DCTN2: variants seen among roughly 807,000 people sequenced by gnomAD.
DCTN2 encodes 50 kDa dynein-associated polypeptide.
DCTN2 carries 18 observed loss-of-function variants against 55.4 expected under a neutral mutation model. The ratio of observed to expected loss-of-function variants is 0.32; its 90% CI spans 0.22 to 0.48. DCTN2 has a LOEUF of 0.48. Among genes scored for constraint, DCTN2 ranks in the 20% least tolerant of loss-of-function variants. The pLI, the probability that DCTN2 is intolerant of heterozygous loss-of-function variation, is 0.99. For synonymous variants in DCTN2, 168 were observed against 185.2 expected, an observed-to-expected ratio of 0.91 and a Z score of 0.76; for missense variants, 390 against 491.0, an observed-to-expected ratio of 0.79 and a Z score of 1.94.
chr12:57,532,844 A>C (rs2140117408), intron 9 of DCTN2, 34 bp from the exon 10 acceptor site: 1 of 1,612,854 alleles, frequency 6.2e-7, no homozygotes, highest in Non-Finnish European at 8.5e-7. Context: ...CATCATGAAG[A>C]GGAAAGGCAG....
intron 7 of DCTN2, among the ~76,000 whole-genome samples, chr12:57,533,703 G>A (rs995444393): frequency 1.3e-5 from 2 of 151,604 alleles, no homozygotes; most frequent in African/African-American, 4.9e-5. Context: ...CCCGGGAGGC[G>A]GAGCTTGCAG....
rs765577687 is a variant in DCTN2, at chr12:57,532,623, G to A, written c.873C>T (p.Asn291=). 25 of 1,613,800 alleles carry A rather than the reference G, an allele frequency of 1.5e-5. No individual in the cohort carries two copies. The highest frequency in any genetic ancestry group is 1.2e-4 in the African/African-American group (9 of 74,872). Residue 291 remains asparagine, a synonymous_variant, in exon 11 of 14, where the codon AAC becomes AAT. Transcript: ENST00000548249. ...CAGAGGCTTTATGCTTGGCAATCTC[G>A]TTCACCTTTCCCAGGACACTCTGAA... is the stretch of plus-strand genomic sequence containing the variant. ...ARLQSVLGKV[N]EIAKHKASVE...
At position 57,541,480 on chromosome 12, in the gene DCTN2, A is replaced by C. The variant is rs899193654; in HGVS notation, c.105+4548T>G. ...CAATGAACACAATCAAGCATACTCCAGGATCTTCTAAACTGTAAGGAAGTA... is the reference window on the plus strand; with the variant it reads ...CAATGAACACAATCAAGCATACTCCCGGATCTTCTAAACTGTAAGGAAGTA... On this transcript the variant is annotated intron_variant, in intron 2 of 13. Transcript: ENST00000548249. 5.3e-6 allele frequency: 6 copies of C among 1,142,808 alleles called. No homozygotes were observed. In the African/African-American group the frequency reaches 9.1e-5, roughly 17 times the overall value. The allele number at this position is 1,142,808 out of a possible 1,614,324, so 70.8% of individuals were successfully genotyped here. A position where few individuals can be genotyped will look rare whatever the true frequency, so the allele number is the denominator to read the frequency against.
At chr12:57,543,537 A>C (rs1404861309) in intron 2 of DCTN2, among the ~76,000 whole-genome samples, 3 of 152,132 alleles carry the variant, frequency 2.0e-5, no homozygotes, top group Non-Finnish European at 4.4e-5. Context: ...ACTGCTCCTC[A>C]AATTGCATAT....
chr12:57,532,161 A>C, intron 12 of DCTN2, 52 bp downstream of exon 12: 1 of 1,552,202 alleles, frequency 6.4e-7, no homozygotes, highest in Non-Finnish European at 8.7e-7. Flanking sequence ...AGGGGACCAA[A>C]AGTTGCCCAT....
At chr12:57,533,367 G>A (rs1057327854) in intron 7 of DCTN2, 64 bp from the exon 8 acceptor site, 54 of 1,449,896 alleles carry the variant, frequency 3.7e-5, no homozygotes, top group African/African-American at 3.1e-4. Flanking sequence ...GGAGGAATAC[G>A]ATCCTGCTCT....
Position 57,532,105 on chromosome 12 carries a change from G to A in DCTN2, c.1029C>T (p.Ala343=), listed in dbSNP as rs1375050014. The change falls in exon 13 of 14, where the codon GCC becomes GCT. Residue 343 remains alanine, a splice_region_variant and synonymous_variant. Transcript: ENST00000548249. ...LVTIKQLHEQ[A]MQFGQLLTHL... ...GTGTCAGGAGCTGACCAAACTGCAT[G>A]GCTACAAAAGAAAAGTATGGTTGAG... is the stretch of plus-strand genomic sequence containing the variant. 7 of 1,557,634 alleles carry A rather than the reference G, an allele frequency of 4.5e-6. No individual in the cohort carries two copies. In the South Asian group the frequency reaches 8.3e-5, roughly 18 times the overall value.
At chr12:57,533,582 T>TA (rs1879943895) in intron 7 of DCTN2, among the ~76,000 whole-genome samples, 1 of 151,996 alleles carries the variant, frequency 6.6e-6, no homozygotes, top group African/African-American at 2.4e-5. Context: ...CCATTCTGGC[T>TA]AACATGGTGA....
Position 57,530,620 on chromosome 12 carries a change from C to A in DCTN2, c.*69G>T. 3 of 1,346,162 alleles carry A rather than the reference C, an allele frequency of 2.2e-6. No homozygotes were observed. The highest frequency in any genetic ancestry group is 2.3e-5 in the East Asian group (1 of 43,062). The allele number at this position is 1,346,162 out of a possible 1,614,324, so 83.4% of individuals were successfully genotyped here. On this transcript the variant is annotated 3_prime_UTR_variant, in exon 14 of 14. Coordinates refer to ENST00000548249, the MANE Select transcript of DCTN2 (RefSeq NM_001261413.2). ...TGCTAGAGTTATAGTAAAGGGGAAA[C>A]CCTATGTAAGCTGTTAACAGAGTTC...
chr12:57,546,725 A>G (rs1438004693), intron 1 of DCTN2, among the ~76,000 whole-genome samples: 1 of 151,368 alleles, frequency 6.6e-6, no homozygotes. Flanking sequence ...TTTGGGGGGG[A>G]CATGGGAGGC....
At position 57,547,153 on chromosome 12, in the gene DCTN2, C is replaced by A. The variant is rs2280154; in HGVS notation, c.-90G>T. 9 of 1,132,226 alleles carry A rather than the reference C, an allele frequency of 7.9e-6. No individual in the cohort carries two copies. Among genetic ancestry groups the A allele is most frequent in the African/African-American group, 1.6e-5 (1 of 62,042 alleles). The allele number at this position is 1,132,226 out of a possible 1,614,324, so 70.1% of individuals were successfully genotyped here. ...GGAGAGGCTGGGTTCGGGTCCCGGG[C>A]TAAGGCGGCGGCAAAGGGAGCGGCA... On this transcript the variant is annotated 5_prime_UTR_variant, in exon 1 of 14. Transcript: ENST00000548249.
At chr12:57,534,119 A>C (rs779147341) in intron 6 of DCTN2, 22 bp from the exon 7 acceptor site, 1 of 1,572,640 alleles carries the variant, frequency 6.4e-7, no homozygotes, top group South Asian at 1.2e-5. Context: ...ACCGAGTAAT[A>C]ATATCATGAC....
intron 4 of DCTN2, 102 bp downstream of exon 4, chr12:57,535,382 G>A: frequency 1.4e-6 from 2 of 1,442,894 alleles, no homozygotes; most frequent in Non-Finnish European, 1.9e-6. Flanking sequence ...AGGAACAGAG[G>A]AGGAACAGAA....
In DCTN2 at chr12:57,530,501, C is replaced by T. The variant is rs1413119544; in HGVS notation, c.*188G>A. On this transcript the variant is annotated 3_prime_UTR_variant, in exon 14 of 14. Transcript: ENST00000548249. ...GGGGAGACCACCTTCTGATGATAAC[C>T]AACCCCTAGCTACCACTCTGTATTC... is the stretch of plus-strand genomic sequence containing the variant. The T allele has an allele frequency of 7.8e-5, 40 of 515,420 alleles. No individual in the cohort carries two copies. The East Asian group carries it at 1.2e-3, about 16-fold the overall frequency. The allele number at this position is 515,420 out of a possible 1,614,324, so 31.9% of individuals were successfully genotyped here.
chr12:57,530,444 G>T lies in DCTN2; in HGVS notation c.*245C>A. On this transcript the variant is annotated 3_prime_UTR_variant, in exon 14 of 14. Coordinates refer to ENST00000548249, the MANE Select transcript of DCTN2 (RefSeq NM_001261413.2). ...AGTATTGGACATGAGTTGGCATGTG[G>T]CTGGGCCCACGTCCTTATCCCCCAG... The T allele has an allele frequency of 2.2e-6, 1 of 445,944 alleles. No homozygotes were observed. The highest frequency in any genetic ancestry group is 3.4e-5 in the East Asian group (1 of 29,306). 27.6% of individuals were successfully genotyped at this position (445,944 alleles called of 1,614,324 possible).
intron 3 of DCTN2, 59 bp downstream of exon 3, chr12:57,535,690 A>G: frequency 6.5e-7 from 1 of 1,546,354 alleles, no homozygotes; most frequent in Non-Finnish European, 8.9e-7. Context: ...AGGACAGGAA[A>G]CCACTTCTCA....
At position 57,530,626 on chromosome 12, in the gene DCTN2, G is replaced by A; in HGVS notation, c.*63C>T. ...AGTTATAGTAAAGGGGAAACCCTAT[G>A]TAAGCTGTTAACAGAGTTCACAGGG... On this transcript the variant is annotated 3_prime_UTR_variant, in exon 14 of 14. Transcript: ENST00000548249. 2.2e-6 allele frequency: 3 copies of A among 1,391,426 alleles called. No homozygotes were observed. The South Asian group carries it at 3.6e-5, about 17-fold the overall frequency. The allele number at this position is 1,391,426 out of a possible 1,614,324, so 86.2% of individuals were successfully genotyped here. A position where few individuals can be genotyped will look rare whatever the true frequency, so the allele number is the denominator to read the frequency against.
In DCTN2 at chr12:57,532,034, T is replaced by A. The variant is rs753760735; in HGVS notation, c.1100A>T (p.Asn367Ile). 6 of 1,564,050 alleles carry A rather than the reference T, an allele frequency of 3.8e-6. No individual in the cohort carries two copies. Among genetic ancestry groups the A allele is most frequent in the Non-Finnish European group, 8.7e-7 (1 of 1,153,602 alleles). The part of the protein sequence containing the change: ...QQMIANSLKD[N>I]TTLLTQVQTT... ...ACACACCTGGGTCAAGAGGGTGGTA[T>A]TGTCCTTCAAGGAATTAGCAATCAT... is the stretch of plus-strand genomic sequence containing the variant. Residue 367 changes from asparagine to isoleucine, a missense_variant, in exon 13 of 14, where the codon AAT becomes ATT. This residue lies in a region of DCTN2 where 273 missense variants were observed against 303.2 expected (regional missense o/e 0.90). Transcript: ENST00000548249.
chr12:57,533,192 A>AAC (rs1439295169), intron 8 of DCTN2, 46 bp downstream of exon 8: 7 of 1,601,494 alleles, frequency 4.4e-6, no homozygotes, highest in Non-Finnish European at 5.1e-6. Flanking sequence ...TAAGGCCTAG[A>AAC]GTTGCAGGAT....
Sources: gnomAD v4.1 joint callset for allele counts (sites outside exome capture counted in the v4.1 genomes callset) on GRCh38, gnomAD v4.1.1 for gene constraint, gnomAD v4.1.1 regional missense constraint, MANE v1.5 for transcripts, NCBI Gene and HGNC (gene_info 2026-07-23, HGNC 2026-07-21) for gene names.